DCAF6: variants seen among roughly 807,000 people sequenced by gnomAD.
DCAF6 encodes the protein DDB1- and CUL4-associated factor 6.
In DCAF6, 54 loss-of-function variants were observed where a neutral mutation model predicts 125.1. That is an observed-to-expected ratio of 0.43 (90% CI 0.35 to 0.54). DCAF6 has a LOEUF of 0.54. Ranked by LOEUF, DCAF6 falls within the 20% of genes least tolerant of loss-of-function variation. DCAF6 has a pLI of 0.01. For synonymous variants in DCAF6, 371 were observed against 390.4 expected, an observed-to-expected ratio of 0.95 and a Z score of 0.58; for missense variants, 934 against 1,161.7, an observed-to-expected ratio of 0.80 and a Z score of 2.85.
At chr1:167,904,964 C>A in the DCAF6 span, 1 of 1,614,188 alleles carries the variant, frequency 6.2e-7, no homozygotes, top group Non-Finnish European at 8.5e-7. Flanking sequence ...TGCTCATCCA[C>A]ATTAAACAAA....
intron 17 of DCAF6, among the ~76,000 whole-genome samples, chr1:168,059,556 T>A (rs1027699747): frequency 5.3e-5 from 8 of 152,264 alleles, no homozygotes; most frequent in African/African-American, 1.9e-4. Context: ...CATCAGAATA[T>A]GCTTATAGTT....
chr1:167,936,864 C>T lies in DCAF6; in HGVS notation c.-48C>T. The T allele has an allele frequency of 2.7e-6, 4 of 1,467,012 alleles. No individual in the cohort carries two copies. The highest frequency in any genetic ancestry group is 3.7e-6 in the Non-Finnish European group (4 of 1,071,746). The allele number at this position is 1,467,012 out of a possible 1,614,324, so 90.9% of individuals were successfully genotyped here. On this transcript the variant is annotated 5_prime_UTR_variant, in exon 1 of 22. Transcript: ENST00000367840. ...AAACGGGTGTCCCCTCCCCCTCCTC[C>T]CCTCCCCCACGCGGTGGTCTCCCCT... is the stretch of plus-strand genomic sequence containing the variant.
intron 6 of DCAF6, among the ~76,000 whole-genome samples, chr1:167,992,284 A>ACACACACACAC (rs1557943229): frequency 2.4e-5 from 2 of 82,122 alleles, no homozygotes; most frequent in Admixed American, 1.5e-4. Flanking sequence ...CACACACACA[A>ACACACACACAC]ACACCGAATG....
intron 3 of DCAF6, chr1:167,969,102 T>G (rs1347895888): frequency 2.0e-5 from 3 of 152,162 alleles, no homozygotes; most frequent in African/African-American, 7.2e-5. Context: ...AGCCTTTTTC[T>G]TCATATATTA....
intron 2 of DCAF6, among the ~76,000 whole-genome samples, chr1:167,953,599 AATT>A (rs903198512): frequency 2.0e-5 from 3 of 151,854 alleles, no homozygotes; most frequent in South Asian, 2.1e-4. Context: ...GTGTTAGATT[AATT>A]ATTATTATTA....
the DCAF6 span, chr1:167,875,029 T>C: frequency 1.0e-6 from 1 of 977,786 alleles, no homozygotes; most frequent in Non-Finnish European, 1.6e-6. Flanking sequence ...ATATTTTCAT[T>C]TTGTGATAAT....
At chr1:168,002,403 T>C (rs1682775219) in intron 7 of DCAF6, 79 bp from the exon 8 acceptor site, 3 of 1,224,188 alleles carry the variant, frequency 2.5e-6, no homozygotes, top group Non-Finnish European at 3.6e-6. Flanking sequence ...TGGAAATAAA[T>C]AGACATAAAG....
chr1:167,866,696 T>A, the DCAF6 span, among the ~76,000 whole-genome samples: 5 of 151,334 alleles, frequency 3.3e-5, no homozygotes, highest in African/African-American at 1.2e-4. Context: ...TTATAGTAAC[T>A]TCTAATCTTG....
At chr1:167,976,839 C>T (rs958227645) in intron 4 of DCAF6, among the ~76,000 whole-genome samples, 3 of 145,760 alleles carry the variant, frequency 2.1e-5, no homozygotes, top group African/African-American at 7.5e-5. Context: ...TCCCATCACA[C>T]ATTTTCCATG....
At chr1:168,065,858 A>G in intron 19 of DCAF6, 112 bp downstream of exon 19, 1 of 996,038 alleles carries the variant, frequency 1.0e-6, no homozygotes, top group Non-Finnish European at 1.4e-6. Context: ...AAACTATCTG[A>G]CTAGGCAGCA....
intron 10 of DCAF6, among the ~76,000 whole-genome samples, chr1:168,014,936 C>A (rs201294070): frequency 2.0e-5 from 3 of 152,274 alleles, no homozygotes; most frequent in East Asian, 1.9e-4. Flanking sequence ...TCCCCTTTAC[C>A]TTACCCTGCC....
chr1:167,931,741 T>G (rs1424746151), upstream of DCAF6, among the ~76,000 whole-genome samples: 1 of 152,124 alleles, frequency 6.6e-6, no homozygotes, highest in Non-Finnish European at 1.5e-5. Flanking sequence ...ATATTTGCAC[T>G]AAGTTGTATT....
chr1:168,036,103 A>G lies in DCAF6; in HGVS notation c.1610-2268A>G, dbSNP rs1296151770. Among the ~76,000 whole-genome samples, 7 of 152,328 alleles carry G rather than the reference A, an allele frequency of 4.6e-5. No homozygotes were observed. In the East Asian group the frequency reaches 1.3e-3, roughly 29 times the overall value. Reference sequence around the variant, plus strand: ...AAACAAAACAAAAAAACTTTGTAGTAGATACTGTAGGAAGAAAGTTTTAAT... The same window carrying G: ...AAACAAAACAAAAAAACTTTGTAGTGGATACTGTAGGAAGAAAGTTTTAAT... On this transcript the variant is annotated intron_variant, in intron 12 of 21. Transcript: ENST00000367840.
At chr1:168,073,949 AT>A (rs1357096661) in intron 21 of DCAF6, among the ~76,000 whole-genome samples, 1 of 148,444 alleles carries the variant, frequency 6.7e-6, no homozygotes, top group Non-Finnish European at 1.5e-5. Context: ...TTGTTCATTT[AT>A]TTTATAAATA....
At chr1:167,909,583 C>A in the DCAF6 span, among the ~76,000 whole-genome samples, 17,195 of 151,912 alleles carry the variant, frequency 0.11, 1,146 homozygotes, top group African/African-American at 0.18. Flanking sequence ...CATCAGCTAT[C>A]ATTATTGTTA....
chr1:167,911,429 C>T, the DCAF6 span, among the ~76,000 whole-genome samples: 3 of 152,352 alleles, frequency 2.0e-5, no homozygotes, highest in South Asian at 6.2e-4. Context: ...TCCAAGCAAC[C>T]ATTAGGTCAT....
At chr1:167,935,263 G>A (rs193083730), upstream of DCAF6, among the ~76,000 whole-genome samples, 2 of 152,326 alleles carry the variant, frequency 1.3e-5, no homozygotes, top group Admixed American at 6.5e-5. Flanking sequence ...CAGTTTGGGG[G>A]AGGGCTCAGT....
chr1:168,004,914 A>G (rs1035632441), intron 10 of DCAF6, 121 bp downstream of exon 10: 2 of 1,123,508 alleles, frequency 1.8e-6, no homozygotes, highest in East Asian at 2.5e-5. Flanking sequence ...TCAAAATGAC[A>G]TGTAATATAT....
At chr1:167,886,974 T>G in the DCAF6 span, among the ~76,000 whole-genome samples, 2 of 152,250 alleles carry the variant, frequency 1.3e-5, no homozygotes, top group South Asian at 4.1e-4. Context: ...ATCAGAGACA[T>G]GCAAATCAAA....
Sources: gnomAD v4.1 joint callset for allele counts (sites outside exome capture counted in the v4.1 genomes callset) on GRCh38, gnomAD v4.1.1 for gene constraint, MANE v1.5 for transcripts, NCBI Gene and HGNC (gene_info 2026-07-23, HGNC 2026-07-21) for gene names.